The following BSPH1 variants were observed in gnomAD, a reference collection of about 807,000 sequenced individuals.
The protein encoded by BSPH1 is binder of sperm protein homolog 1, also known as binder of sperm 1.
A neutral mutation model predicts 22.5 loss-of-function variants in BSPH1; 21 were observed. The observed-to-expected ratio is 0.93, with a 90% CI of 0.66 to 1.35. BSPH1 has a LOEUF of 1.35. Ranked by LOEUF, BSPH1 falls within the 40% of genes most tolerant of loss-of-function variation. The pLI is 0.00. For synonymous variants in BSPH1, 42 were observed against 53.6 expected (o/e 0.78, Z 0.95); for missense variants, 141 against 154.2 (o/e 0.91, Z 0.45).
Position 47,977,431 on chromosome 19 carries a change from G to A in BSPH1, c.198C>T (p.His66=). The stretch of plus-strand genomic sequence containing the variant: ...AGGTCTTGTTTAACGAGCACCACTT[G>A]TGTCTTGCCTTGGACTTGATGCAGT... The part of the protein sequence containing the change: ...YYDCIKSKAR[H]KWCSLNKTYE... Residue 66 remains histidine (H), a synonymous_variant, in exon 4 of 6, where the codon CAC becomes CAT. Coordinates refer to ENST00000344839, the MANE Select transcript of BSPH1 (RefSeq NM_001128326.2). 1 of 1,552,102 alleles carries A rather than the reference G, an allele frequency of 6.4e-7. No homozygotes were observed. Among genetic ancestry groups the A allele is most frequent in the Non-Finnish European group, 8.7e-7 (1 of 1,147,078 alleles).
chr19:47,973,218 AAATAATAATAAT>A lies in BSPH1; in HGVS notation c.*2+3480_*2+3491del, dbSNP rs60548503. Among the ~76,000 whole-genome samples the A allele has an allele frequency of 3.8e-3, 504 of 132,106 alleles. 2 individuals carry two copies. Among genetic ancestry groups the A allele is most frequent in the African/African-American group, 0.01 (353 of 35,260 alleles). The allele number at this position is 132,106 out of a possible 152,430, so 86.7% of individuals were successfully genotyped here. On this transcript the variant is annotated intron_variant, in intron 5 of 5. Transcript: ENST00000344839. ...GGTGTCAGAGCGAGACTCCGTCTCA[AAATAATAATAAT>A]AATAATAATAATAATAATAATAATA... is the stretch of plus-strand genomic sequence containing the variant.
At chr19:47,984,675 C>T (rs1600091222) in intron 1 of BSPH1, among the ~76,000 whole-genome samples, 2 of 152,082 alleles carry the variant, frequency 1.3e-5, no homozygotes, top group East Asian at 3.8e-4. Flanking sequence ...CATGTTCTCA[C>T]TTATAAGTGG....
intron 1 of BSPH1, among the ~76,000 whole-genome samples, chr19:47,985,884 T>C (rs1377065583): frequency 6.6e-6 from 1 of 151,774 alleles, no homozygotes; most frequent in East Asian, 1.9e-4. Context: ...AATGAAAGCA[T>C]GTGAAATGTG....
intron 3 of BSPH1, among the ~76,000 whole-genome samples, chr19:47,979,123 TTCCTTCTCCTCC>T (rs1281140655): frequency 6.6e-6 from 1 of 152,106 alleles, no homozygotes; most frequent in African/African-American, 2.4e-5. Context: ...TTCTCTCCTC[TTCCTTCTCCTCC>T]TCCTTCTTCT....
At chr19:47,985,064 A>G (rs1385386835) in intron 1 of BSPH1, among the ~76,000 whole-genome samples, 1 of 94,604 alleles carries the variant, frequency 1.1e-5, no homozygotes, top group Non-Finnish European at 2.1e-5. Context: ...ACTCTGTCTG[A>G]AAAAAAAAAA....
chr19:47,968,173 T>C lies in BSPH1; in HGVS notation c.*39A>G, dbSNP rs1969275655. On this transcript the variant is annotated 3_prime_UTR_variant, in exon 6 of 6. Coordinates refer to ENST00000344839, the MANE Select transcript of BSPH1 (RefSeq NM_001128326.2). ...TTACTGCTGGATGCATCGATCATGT[T>C]TTGTCTGTATCTGATAGCCAGCAGA... 6.6e-6 allele frequency: 1 copy of C among 152,168 alleles called. No individual in the cohort carries two copies. The highest frequency in any genetic ancestry group is 1.5e-5 in the Non-Finnish European group (1 of 68,044). The allele number at this position is 152,168 out of a possible 1,614,324, so 9.4% of individuals were successfully genotyped here.
chr19:47,969,019 A>AAAAAAG (rs1969284872), intron 5 of BSPH1, among the ~76,000 whole-genome samples: 2 of 150,784 alleles, frequency 1.3e-5, no homozygotes, highest in African/African-American at 4.9e-5. Context: ...AAAAAAAAAA[A>AAAAAAG]AAAGAAATCA....
chr19:47,980,439 T>G, intron 2 of BSPH1: 1 of 323,736 alleles, frequency 3.1e-6, no homozygotes, highest in Non-Finnish European at 4.2e-6. Flanking sequence ...AAAAGTAAAA[T>G]TAACAGTAAA....
intron 1 of BSPH1, among the ~76,000 whole-genome samples, chr19:47,991,520 TCCCC>T (rs1966873446): frequency 9.4e-6 from 1 of 106,672 alleles, no homozygotes; most frequent in South Asian, 4.2e-4. Flanking sequence ...CTCCTTTTCC[TCCCC>T]TCCTCCTTTT....
intron 1 of BSPH1, among the ~76,000 whole-genome samples, chr19:47,983,471 C>G (rs1969438149): frequency 6.6e-6 from 1 of 152,174 alleles, no homozygotes; most frequent in African/African-American, 2.4e-5. Flanking sequence ...GTGATTCCAA[C>G]ATAGCCTGTC....
Position 47,979,644 on chromosome 19 carries a change from G to A in BSPH1, c.95-45C>T, listed in dbSNP as rs796375774. ...GCTGACATTTATTTCACTATTATTAGGCTTTAAAATGGGCTCTTACGTAAA... is the reference window on the plus strand; with the variant it reads ...GCTGACATTTATTTCACTATTATTAAGCTTTAAAATGGGCTCTTACGTAAA... On this transcript the variant is annotated intron_variant, in intron 2 of 5. Coordinates refer to ENST00000344839, the MANE Select transcript of BSPH1 (RefSeq NM_001128326.2). 11 of 905,718 alleles carry A rather than the reference G, an allele frequency of 1.2e-5. No homozygotes were observed. The African/African-American group carries it at 1.6e-4, about 13-fold the overall frequency. The allele number at this position is 905,718 out of a possible 1,614,324, so 56.1% of individuals were successfully genotyped here.
At chr19:47,978,401 G>A (rs1460968255) in intron 3 of BSPH1, among the ~76,000 whole-genome samples, 1 of 152,092 alleles carries the variant, frequency 6.6e-6, no homozygotes, top group Non-Finnish European at 1.5e-5. Flanking sequence ...ACTGAGTCCG[G>A]CCTTAACTTC....
At chr19:47,972,786 A>C (rs1345192268) in intron 5 of BSPH1, among the ~76,000 whole-genome samples, 1 of 152,096 alleles carries the variant, frequency 6.6e-6, no homozygotes, top group African/African-American at 2.4e-5. Context: ...TTTTTAAAAA[A>C]TTAAAAAATT....
intron 5 of BSPH1, among the ~76,000 whole-genome samples, chr19:47,975,901 C>T (rs1200678310): frequency 2.6e-5 from 4 of 151,652 alleles, no homozygotes; most frequent in South Asian, 2.1e-4. Flanking sequence ...GTGATCCACC[C>T]GCCTCGACCT....
At chr19:47,977,088 C>T (rs1375810895) in intron 4 of BSPH1, among the ~76,000 whole-genome samples, 3 of 152,226 alleles carry the variant, frequency 2.0e-5, no homozygotes, top group African/African-American at 7.2e-5. Flanking sequence ...CTGCTCTGCC[C>T]TATTTCACCA....
intron 5 of BSPH1, 39 bp downstream of exon 5, chr19:47,976,671 G>A (rs1273406752): frequency 6.7e-7 from 1 of 1,494,954 alleles, no homozygotes; most frequent in Non-Finnish European, 9.0e-7. Context: ...CAAGGAGAAT[G>A]ATTAAACGTC....
At chr19:47,979,887 T>C (rs970447231) in intron 2 of BSPH1, among the ~76,000 whole-genome samples, 4 of 152,156 alleles carry the variant, frequency 2.6e-5, no homozygotes, top group Admixed American at 6.5e-5. Flanking sequence ...ATGTTTTCCA[T>C]TTCCATCAAT....
rs932576271 is a variant in BSPH1, at chr19:47,976,844, G to C, written c.267C>G (p.Asn89Lys). 7.7e-6 allele frequency: 12 copies of C among 1,550,546 alleles called. No homozygotes were observed. The highest frequency in any genetic ancestry group is 9.6e-6 in the Non-Finnish European group (11 of 1,146,748). The change falls in exon 5 of 6, where the codon AAC (asparagine) becomes AAG (lysine). Residue 89 changes from asparagine to lysine, a missense_variant. Asn to Lys is a moderately conservative substitution (Grantham distance 94, BLOSUM62 0). Transcript: ENST00000344839. ...GTCTGTACCAGAAGGGAAATACACA[G>C]TTTGCAAAATCTGCAGAGGAGGAAG... is the stretch of plus-strand genomic sequence containing the variant. ...WKFCSAEDFA[N>K]CVFPFWYRRL...
chr19:47,977,820 T>C (rs1969379737), intron 3 of BSPH1: 2 of 263,626 alleles, frequency 7.6e-6, no homozygotes, highest in South Asian at 1.4e-4. Context: ...CCAACAATTC[T>C]TCCCCCCTGC....
Sources: gnomAD v4.1 joint callset for allele counts (sites outside exome capture counted in the v4.1 genomes callset) on GRCh38, gnomAD v4.1.1 for gene constraint, MANE v1.5 for transcripts, NCBI Gene and HGNC (gene_info 2026-07-23, HGNC 2026-07-21) for gene names.